LRRC7: variants seen among roughly 807,000 people sequenced by gnomAD.
LRRC7 encodes the protein leucine-rich repeat-containing protein 7.
LRRC7 carries 23 observed loss-of-function variants against 175.7 expected under a neutral mutation model. The observed-to-expected ratio is 0.13, with a 90% confidence interval of 0.09 to 0.19. The LOEUF (loss-of-function observed/expected upper bound fraction) is 0.19, where lower values mean the gene tolerates loss of function less well. Among genes scored for constraint, LRRC7 ranks in the 10% least tolerant of loss-of-function variants. The pLI is 1.00. For missense variants in LRRC7, 1,354 were observed against 1,904.7 expected (o/e 0.71, Z 5.38); for synonymous variants, 685 against 680.9 (o/e 1.01, Z -0.09).
chr1:70,079,772 AT>A (rs1181773581), intron 24 of LRRC7, among the ~76,000 whole-genome samples: 2 of 152,218 alleles, frequency 1.3e-5, no homozygotes, highest in African/African-American at 4.8e-5. Context: ...CCACATTTGG[AT>A]TAATGCCCTG....
At chr1:69,931,934 T>C (rs999200503) in intron 8 of LRRC7, among the ~76,000 whole-genome samples, 6 of 152,212 alleles carry the variant, frequency 3.9e-5, no homozygotes, top group African/African-American at 1.4e-4. Flanking sequence ...CCAGACTTGA[T>C]TAAATGCAAA....
intron 25 of LRRC7, among the ~76,000 whole-genome samples, chr1:70,093,373 T>C (rs1201345489): frequency 6.6e-6 from 1 of 152,166 alleles, no homozygotes; most frequent in African/African-American, 2.4e-5. Context: ...TGAGTAGTAT[T>C]ATTATTCCCC....
chr1:69,635,827 TG>T (rs929374266), intron 1 of LRRC7, among the ~76,000 whole-genome samples: 10 of 151,916 alleles, frequency 6.6e-5, no homozygotes, highest in African/African-American at 9.7e-5. Flanking sequence ...ACATTACTGA[TG>T]TTTTTTTAAA....
rs1645594589 is a variant in LRRC7 at position 69,568,621 on chromosome 1, G to T, written c.-19G>T. ...GACTACGCTCTCCGAAACCTCATGG[G>T]CAGTTTCTCCCGCCGGCGATGTGAG... On this transcript the variant is annotated 5_prime_UTR_variant, in exon 1 of 27. Transcript: ENST00000651989. 2 of 1,350,918 alleles carry T rather than the reference G, an allele frequency of 1.5e-6. No homozygotes were observed. Among genetic ancestry groups the T allele is most frequent in the Non-Finnish European group, 2.0e-6 (2 of 1,015,620 alleles). The allele number at this position is 1,350,918 out of a possible 1,614,324, so 83.7% of individuals were successfully genotyped here. A position where few individuals can be genotyped will look rare whatever the true frequency, so the allele number is the denominator to read the frequency against.
chr1:69,772,955 T>C (rs2100990961), intron 3 of LRRC7, among the ~76,000 whole-genome samples: 1 of 152,324 alleles, frequency 6.6e-6, no homozygotes, highest in African/African-American at 2.4e-5. Context: ...TATTTGCTAG[T>C]ACGGAAGTCG....
At chr1:70,119,495 A>ACTT (rs1336696184) in intron 26 of LRRC7, among the ~76,000 whole-genome samples, 4 of 151,486 alleles carry the variant, frequency 2.6e-5, no homozygotes, top group Non-Finnish European at 5.9e-5. Context: ...ATGCCTATGG[A>ACTT]AGTGAGTACA....
At chr1:69,700,753 C>G (rs1259724833) in intron 2 of LRRC7, among the ~76,000 whole-genome samples, 1 of 152,190 alleles carries the variant, frequency 6.6e-6, no homozygotes, top group Non-Finnish European at 1.5e-5. Flanking sequence ...TGTGTTTATT[C>G]TCTCTCAGTT....
chr1:69,598,882 T>C (rs1361613), intron 1 of LRRC7, among the ~76,000 whole-genome samples: 1 of 152,142 alleles, frequency 6.6e-6, no homozygotes, highest in East Asian at 1.9e-4. Flanking sequence ...ATTCACTTTG[T>C]TCCCATTTGA....
At position 70,002,259 on chromosome 1, in the gene LRRC7, G is replaced by A. The variant is rs79387094; in HGVS notation, c.1004+7626G>A. On this transcript the variant is annotated intron_variant, in intron 11 of 26. Transcript: ENST00000651989. ...GGAATCAGAAAATCTAAGTGTCTATGCAAAGCTAGATAAATCCCTTCTTCT... is the reference window on the plus strand; with the variant it reads ...GGAATCAGAAAATCTAAGTGTCTATACAAAGCTAGATAAATCCCTTCTTCT... 3.9e-5 allele frequency among the ~76,000 whole-genome samples: 6 copies of A among 152,274 alleles called. No homozygotes were observed. In the East Asian group the frequency reaches 1.2e-3, roughly 29 times the overall value.
intron 5 of LRRC7, among the ~76,000 whole-genome samples, chr1:69,830,449 A>G (rs867870842): frequency 4.2e-4 from 64 of 151,996 alleles, no homozygotes; most frequent in Middle Eastern, 3.4e-3. Context: ...GACTGTATAT[A>G]TATGATTTTT....
At chr1:69,701,607 T>C (rs1663367700) in intron 2 of LRRC7, among the ~76,000 whole-genome samples, 1 of 152,234 alleles carries the variant, frequency 6.6e-6, no homozygotes, top group African/African-American at 2.4e-5. Flanking sequence ...GAATTCGTGT[T>C]CCTTGACATT....
intron 1 of LRRC7, among the ~76,000 whole-genome samples, chr1:69,624,513 T>A (rs957558431): frequency 1.3e-5 from 2 of 152,142 alleles, no homozygotes; most frequent in African/African-American, 4.8e-5. Context: ...TAAATTTTTT[T>A]AATATCAAAT....
At chr1:70,108,891 T>C (rs1665324237) in intron 26 of LRRC7, among the ~76,000 whole-genome samples, 1 of 152,228 alleles carries the variant, frequency 6.6e-6, no homozygotes, top group South Asian at 2.1e-4. Context: ...CTGCGTTCTC[T>C]CAGAAAGTCC....
At chr1:69,838,145 A>T in intron 6 of LRRC7, 82 bp from the exon 7 acceptor site, 1 of 868,906 alleles carries the variant, frequency 1.2e-6, no homozygotes, top group Non-Finnish European at 1.9e-6. Context: ...GTAACCCTAT[A>T]GTGCTACCAA....
intron 7 of LRRC7, among the ~76,000 whole-genome samples, chr1:69,847,226 TTA>T (rs780482562): frequency 2.0e-5 from 3 of 152,100 alleles, no homozygotes; most frequent in East Asian, 1.9e-4. Context: ...TGGATTTTTG[TTA>T]TATCCTTTAT....
chr1:69,778,641 T>G (rs1438036734), intron 3 of LRRC7, among the ~76,000 whole-genome samples: 1 of 152,050 alleles, frequency 6.6e-6, no homozygotes, highest in Non-Finnish European at 1.5e-5. Flanking sequence ...TTAGAGAACA[T>G]GGAACTAGCT....
chr1:69,840,792 GTAA>G (rs984567192), intron 7 of LRRC7, among the ~76,000 whole-genome samples: 1 of 152,024 alleles, frequency 6.6e-6, no homozygotes, highest in African/African-American at 2.4e-5. Flanking sequence ...TTGATTATTT[GTAA>G]TAATAGAATA....
At chr1:70,036,380 T>C (rs1446699606) in intron 19 of LRRC7, 64 bp from the exon 20 acceptor site, 13 of 1,503,860 alleles carry the variant, frequency 8.6e-6, no homozygotes, top group Non-Finnish European at 1.2e-5. Context: ...CCATTTTTCA[T>C]ACTTGCTTTT....
At chr1:69,688,392 T>C in intron 2 of LRRC7, among the ~76,000 whole-genome samples, 1 of 152,176 alleles carries the variant, frequency 6.6e-6, no homozygotes. Context: ...GACCTGGTGC[T>C]ACTGTGGTCA....
Sources: allele counts gnomAD v4.1 joint callset (sites outside exome capture counted in the v4.1 genomes callset), GRCh38; gene constraint gnomAD v4.1.1; transcripts MANE v1.5; gene names NCBI Gene and HGNC (gene_info 2026-07-23, HGNC 2026-07-21).